Variants in KCNIP4 observed in about 807,000 individuals in gnomAD.
The protein encoded by KCNIP4 is potassium voltage-gated channel interacting protein 4, also known as Kv channel-interacting protein 4.
A neutral mutation model predicts 34.0 loss-of-function variants in KCNIP4; 12 were observed. The observed-to-expected ratio is 0.35, with a 90% CI of 0.23 to 0.57. The LOEUF (loss-of-function observed/expected upper bound fraction) is 0.57. Among genes scored for constraint, KCNIP4 ranks in the 20% least tolerant of loss-of-function variants. KCNIP4 has a pLI of 0.83. For missense variants in KCNIP4, 238 were observed against 311.7 expected (o/e 0.76, Z 1.78); for synonymous variants, 124 against 102.2 (o/e 1.21, Z -1.29).
intron 1 of KCNIP4, among the ~76,000 whole-genome samples, chr4:21,030,521 C>A (rs1740932771): frequency 1.3e-5 from 2 of 152,138 alleles, no homozygotes; most frequent in African/African-American, 4.8e-5. Context: ...AAAGTGCCTT[C>A]ATGAAATTGG....
intron 1 of KCNIP4, among the ~76,000 whole-genome samples, chr4:21,443,520 G>A (rs138986952): frequency 6.6e-6 from 1 of 152,204 alleles, no homozygotes; most frequent in East Asian, 1.9e-4. Flanking sequence ...AACATGGGTC[G>A]ACTATACCCA....
At chr4:21,419,764 A>G (rs2109621276) in intron 1 of KCNIP4, among the ~76,000 whole-genome samples, 1 of 152,244 alleles carries the variant, frequency 6.6e-6, no homozygotes, top group African/African-American at 2.4e-5. Flanking sequence ...CATTGTTATA[A>G]ACAATCCAAG....
intron 1 of KCNIP4, among the ~76,000 whole-genome samples, chr4:20,923,721 G>A (rs896632058): frequency 2.0e-5 from 3 of 152,136 alleles, no homozygotes; most frequent in Non-Finnish European, 2.9e-5. Context: ...TACGTGGTCC[G>A]ATTTAAGCCT....
chr4:21,683,446 ATTTTTTTTTTTTTTTTTTTTTTTTTTT>A (rs71191533), intron 1 of KCNIP4, among the ~76,000 whole-genome samples: 1 of 46,554 alleles, frequency 2.1e-5, no homozygotes, highest in African/African-American at 7.2e-5. Context: ...GTGAAGCCAG[ATTTTTTTTTTTTTTTTTTTTTTTTTTT>A]TTTTTTTTTT....
chr4:21,643,925 A>AAGAT (rs58763479), intron 1 of KCNIP4, among the ~76,000 whole-genome samples: 2 of 150,040 alleles, frequency 1.3e-5, no homozygotes, highest in African/African-American at 2.4e-5. Flanking sequence ...GACTGGCAGA[A>AAGAT]AGATAGATAG....
rs546482880 is a variant in KCNIP4, at chr4:21,810,975, C to T, written c.61+137596G>A. On this transcript the variant is annotated intron_variant, in intron 1 of 8. Transcript: ENST00000382152. ...CTTTTAATACCAACAATTAAGTTAA[C>T]ATGAAAATTTTTTTTAGCGCCAACA... Among the ~76,000 whole-genome samples, 24 of 152,262 alleles carry T rather than the reference C, an allele frequency of 1.6e-4. No individual in the cohort carries two copies. The South Asian group carries it at 5.0e-3, about 32-fold the overall frequency.
rs1229519041 is a variant in KCNIP4, at chr4:21,373,375, T to C, written c.62-490666A>G. On this transcript the variant is annotated intron_variant, in intron 1 of 8. Coordinates refer to ENST00000382152, the MANE Select transcript of KCNIP4 (RefSeq NM_025221.6). ...AAATATAAAAAAAATTTTAGTGAGA[T>C]TTTAGAAAGTAGAGAGATAGAGTAG... is the stretch of plus-strand genomic sequence containing the variant. 6.8e-5 allele frequency among the ~76,000 whole-genome samples: 10 copies of C among 147,236 alleles called. 3 individuals carry two copies. Among genetic ancestry groups the C allele is most frequent in the African/African-American group, 2.7e-4 (10 of 36,874 alleles).
At chr4:20,795,052 G>T (rs947756310) in intron 3 of KCNIP4, among the ~76,000 whole-genome samples, 3 of 152,056 alleles carry the variant, frequency 2.0e-5, no homozygotes, top group African/African-American at 7.2e-5. Flanking sequence ...TTTTAACCGG[G>T]TTGAACTTTA....
chr4:20,952,020 G>C (rs1189515223), intron 1 of KCNIP4, among the ~76,000 whole-genome samples: 1 of 152,188 alleles, frequency 6.6e-6, no homozygotes, highest in Non-Finnish European at 1.5e-5. Context: ...CTAGCACAGA[G>C]TGGGTACGCA....
At chr4:21,943,086 G>C (rs1730295277) in intron 1 of KCNIP4, among the ~76,000 whole-genome samples, 1 of 152,186 alleles carries the variant, frequency 6.6e-6, no homozygotes, top group South Asian at 2.1e-4. Flanking sequence ...GTGAAGCATT[G>C]TAGAAGTGCT....
At chr4:20,779,565 C>G (rs1219554157) in intron 3 of KCNIP4, among the ~76,000 whole-genome samples, 1 of 120,112 alleles carries the variant, frequency 8.3e-6, no homozygotes, top group Non-Finnish European at 1.8e-5. Flanking sequence ...ACAAGTCCCC[C>G]CTGCCCCACA....
chr4:20,822,851 G>A (rs546179861), intron 3 of KCNIP4, among the ~76,000 whole-genome samples: 4 of 152,072 alleles, frequency 2.6e-5, no homozygotes, highest in Admixed American at 6.6e-5. Flanking sequence ...AGTCATGAGT[G>A]GTCCACCCTC....
At chr4:20,875,984 G>A (rs541709056) in intron 2 of KCNIP4, among the ~76,000 whole-genome samples, 1 of 152,244 alleles carries the variant, frequency 6.6e-6, no homozygotes, top group East Asian at 1.9e-4. Flanking sequence ...TACTGATGGT[G>A]GTTTATTGAT....
chr4:21,480,426 C>A (rs1308732973), intron 1 of KCNIP4, among the ~76,000 whole-genome samples: 2 of 152,042 alleles, frequency 1.3e-5, no homozygotes, highest in African/African-American at 4.8e-5. Context: ...AAGGAATCTC[C>A]TTAACTTGAT....
intron 1 of KCNIP4, among the ~76,000 whole-genome samples, chr4:21,462,535 G>T (rs1729545333): frequency 6.6e-6 from 1 of 152,076 alleles, no homozygotes; most frequent in Admixed American, 6.6e-5. Context: ...AGATTTTGGT[G>T]GGTACACAGC....
chr4:21,011,818 C>T (rs750382931), intron 1 of KCNIP4, among the ~76,000 whole-genome samples: 4 of 152,112 alleles, frequency 2.6e-5, no homozygotes, highest in Non-Finnish European at 4.4e-5. Context: ...TTACACTATC[C>T]CCAGGTTCAA....
intron 1 of KCNIP4, among the ~76,000 whole-genome samples, chr4:21,896,120 C>G (rs539971967): frequency 6.6e-6 from 1 of 152,280 alleles, no homozygotes; most frequent in Admixed American, 6.5e-5. Flanking sequence ...TTCCTCCTTA[C>G]AACCTCTCTA....
At chr4:21,777,050 G>A (rs1412800162) in intron 1 of KCNIP4, among the ~76,000 whole-genome samples, 1 of 152,120 alleles carries the variant, frequency 6.6e-6, no homozygotes, top group Non-Finnish European at 1.5e-5. Context: ...TGGTATTACA[G>A]GCATGAGCTA....
At chr4:21,240,180 C>T (rs1759698048) in intron 1 of KCNIP4, among the ~76,000 whole-genome samples, 1 of 129,852 alleles carries the variant, frequency 7.7e-6, no homozygotes, top group Non-Finnish European at 1.5e-5. Context: ...ACAATGAGAA[C>T]ACATGGACAC....
Sources: allele counts gnomAD v4.1 joint callset (sites outside exome capture counted in the v4.1 genomes callset), GRCh38; gene constraint gnomAD v4.1.1; transcripts MANE v1.5; gene names NCBI Gene and HGNC (gene_info 2026-07-23, HGNC 2026-07-21).